PDE1A: variants seen among roughly 807,000 people sequenced by gnomAD.
The protein encoded by PDE1A is dual specificity calcium/calmodulin-dependent 3',5'-cyclic nucleotide phosphodiesterase 1A.
In PDE1A, 35 loss-of-function variants were observed where a neutral mutation model predicts 61.7. The observed-to-expected ratio is 0.57, with a 90% CI of 0.43 to 0.75. The LOEUF is 0.75. Among genes scored for constraint, PDE1A ranks in the 30% least tolerant of loss-of-function variants. The pLI, the probability that PDE1A is intolerant of heterozygous loss-of-function variation, is 0.00. For missense variants in PDE1A, 597 were observed against 630.6 expected, an observed-to-expected ratio of 0.95 and a Z score of 0.57; for synonymous variants, 232 against 213.2, an observed-to-expected ratio of 1.09 and a Z score of -0.77.
At chr2:182,524,325 C>A (rs1277641721), upstream of PDE1A, among the ~76,000 whole-genome samples, 11 of 152,272 alleles carry the variant, frequency 7.2e-5, no homozygotes, top group African/African-American at 1.9e-4. Context: ...ATACCTAAGT[C>A]CTTGAGGCTA....
chr2:182,420,507 C>G (rs1042480670), intron 1 of PDE1A, among the ~76,000 whole-genome samples: 1 of 151,976 alleles, frequency 6.6e-6, no homozygotes, highest in African/African-American at 2.4e-5. Flanking sequence ...TTAAAAAAGT[C>G]AAATTAAGTA....
intron 1 of PDE1A, among the ~76,000 whole-genome samples, chr2:182,289,185 T>A (rs968235651): frequency 3.3e-5 from 5 of 152,112 alleles, no homozygotes; most frequent in African/African-American, 1.2e-4. Context: ...AGTGTTCTTT[T>A]TCTGTTCGTT....
chr2:182,181,278 G>A (rs1684738092), intron 13 of PDE1A, among the ~76,000 whole-genome samples: 3 of 152,144 alleles, frequency 2.0e-5, no homozygotes, highest in South Asian at 2.1e-4. Context: ...TTTTGTAGGA[G>A]GTCTTTTTTG....
At chr2:182,404,934 T>C (rs1423249727) in intron 1 of PDE1A, among the ~76,000 whole-genome samples, 5 of 152,230 alleles carry the variant, frequency 3.3e-5, no homozygotes, top group Admixed American at 3.3e-4. Context: ...AGCATAACAG[T>C]ACATATACCA....
intron 7 of PDE1A, among the ~76,000 whole-genome samples, chr2:182,211,632 G>GTCTA (rs1272540484): frequency 3.9e-5 from 6 of 152,124 alleles, no homozygotes; most frequent in Admixed American, 1.3e-4. Flanking sequence ...ACAATTTTGA[G>GTCTA]TCTATCTATG....
intron 6 of PDE1A, among the ~76,000 whole-genome samples, chr2:182,224,337 T>C (rs1688967587): frequency 6.6e-6 from 1 of 152,044 alleles, no homozygotes; most frequent in Admixed American, 6.6e-5. Flanking sequence ...ATTATTAAAA[T>C]GTCTTTTAGC....
intron 7 of PDE1A, among the ~76,000 whole-genome samples, chr2:182,213,403 C>G (rs940435251): frequency 1.3e-5 from 1 of 78,618 alleles, no homozygotes; most frequent in African/African-American, 5.0e-5. Context: ...AGCAACGGAA[C>G]AAAGCTGGAT....
intron 1 of PDE1A, among the ~76,000 whole-genome samples, chr2:182,416,884 G>T (rs1473615867): frequency 6.6e-6 from 1 of 152,174 alleles, no homozygotes; most frequent in African/African-American, 2.4e-5. Context: ...GTGACTGGAA[G>T]TAATTCCCAA....
intron 2 of PDE1A, among the ~76,000 whole-genome samples, chr2:182,495,516 T>C (rs1323344690): frequency 1.3e-5 from 2 of 152,216 alleles, no homozygotes; most frequent in East Asian, 1.9e-4. Context: ...TTAGTCTTCA[T>C]AGTGTTGACC....
chr2:182,358,152 A>T (rs1699302541), intron 1 of PDE1A, among the ~76,000 whole-genome samples: 1 of 152,110 alleles, frequency 6.6e-6, no homozygotes, highest in Admixed American at 6.6e-5. Flanking sequence ...GAATCCGATG[A>T]TACCACCTTT....
At chr2:182,214,224 T>G (rs554369053) in intron 7 of PDE1A, among the ~76,000 whole-genome samples, 5 of 151,788 alleles carry the variant, frequency 3.3e-5, no homozygotes, top group East Asian at 1.9e-4. Flanking sequence ...TGAGAGATTT[T>G]GTCACCACCA....
At chr2:182,617,888 A>G in the PDE1A span, among the ~76,000 whole-genome samples, 1 of 152,126 alleles carries the variant, frequency 6.6e-6, no homozygotes, top group Non-Finnish European at 1.5e-5. Context: ...TTCTCTTAAG[A>G]CCTTACACCC....
the PDE1A span, among the ~76,000 whole-genome samples, chr2:182,636,255 G>A: frequency 6.6e-6 from 1 of 152,016 alleles, no homozygotes; most frequent in Non-Finnish European, 1.5e-5. Context: ...ATTGAGCCCG[G>A]CCTCACCTGT....
chr2:182,293,637 A>C (rs1311625714), intron 1 of PDE1A, among the ~76,000 whole-genome samples: 1 of 152,196 alleles, frequency 6.6e-6, no homozygotes, highest in East Asian at 1.9e-4. Flanking sequence ...GAAACTACAG[A>C]AAGTACCATA....
chr2:182,380,371 C>G (rs951913905), intron 1 of PDE1A, among the ~76,000 whole-genome samples: 1 of 151,932 alleles, frequency 6.6e-6, no homozygotes, highest in Non-Finnish European at 1.5e-5. Context: ...CTCGGCCTCC[C>G]AAAGTGCTGG....
intron 1 of PDE1A, among the ~76,000 whole-genome samples, chr2:182,345,352 A>G (rs898877074): frequency 6.6e-6 from 1 of 152,182 alleles, no homozygotes; most frequent in Non-Finnish European, 1.5e-5. Flanking sequence ...TTCACCTCAC[A>G]TAGAAATCCA....
chr2:182,516,615 T>C (rs1690165437), intron 2 of PDE1A, among the ~76,000 whole-genome samples: 1 of 145,888 alleles, frequency 6.9e-6, no homozygotes, highest in Non-Finnish European at 1.5e-5. Context: ...ATCGCACCAC[T>C]GCACCAGAGT....
At chr2:182,319,042 T>C (rs1480573629) in intron 1 of PDE1A, among the ~76,000 whole-genome samples, 4 of 152,172 alleles carry the variant, frequency 2.6e-5, no homozygotes, top group Admixed American at 6.6e-5. Context: ...TGCCTTCATG[T>C]TTTGAAAATG....
At chr2:182,232,993 A>C (rs537188947) in intron 4 of PDE1A, among the ~76,000 whole-genome samples, 1 of 152,336 alleles carries the variant, frequency 6.6e-6, no homozygotes, top group African/African-American at 2.4e-5. Flanking sequence ...TAACTAAAAC[A>C]TTCTTTACTT....
Sources: allele counts gnomAD v4.1 joint callset (sites outside exome capture counted in the v4.1 genomes callset), GRCh38; gene constraint gnomAD v4.1.1; transcripts MANE v1.5; gene names NCBI Gene and HGNC (gene_info 2026-07-23, HGNC 2026-07-21).